The following AGTPBP1 variants were observed in gnomAD, a reference collection of about 807,000 sequenced individuals.
AGTPBP1 encodes the protein ATP/GTP binding carboxypeptidase 1, also known as cytosolic carboxypeptidase 1.
In AGTPBP1, 70 loss-of-function variants were observed where a neutral mutation model predicts 143.9. That is an observed-to-expected ratio of 0.49 (90% CI 0.40 to 0.59). The LOEUF (loss-of-function observed/expected upper bound fraction) is 0.59, where lower values mean the gene tolerates loss of function less well. Ranked by LOEUF, AGTPBP1 falls within the 20% of genes least tolerant of loss-of-function variation. AGTPBP1 has a pLI of 0.00. For synonymous variants in AGTPBP1, 463 were observed against 500.2 expected, an observed-to-expected ratio of 0.93 and a Z score of 0.99; for missense variants, 1,229 against 1,464.5, an observed-to-expected ratio of 0.84 and a Z score of 2.62.
intron 17 of AGTPBP1, among the ~76,000 whole-genome samples, chr9:85,610,568 C>T (rs780577519): frequency 1.3e-5 from 2 of 151,980 alleles, no homozygotes; most frequent in Non-Finnish European, 2.9e-5. Flanking sequence ...GGGGACACTG[C>T]CAAAGAACAA....
At chr9:85,733,809 CAG>C (rs1839041450) in intron 1 of AGTPBP1, among the ~76,000 whole-genome samples, 1 of 152,096 alleles carries the variant, frequency 6.6e-6, no homozygotes, top group Non-Finnish European at 1.5e-5. Context: ...AGGATTATAA[CAG>C]AGTACTGTGA....
the AGTPBP1 span, among the ~76,000 whole-genome samples, chr9:85,800,867 CT>C: frequency 1.3e-5 from 2 of 151,246 alleles, no homozygotes; most frequent in Non-Finnish European, 2.9e-5. Flanking sequence ...TCACAATAAC[CT>C]CATAATTCTA....
chr9:85,720,914 C>A (rs563095019), intron 1 of AGTPBP1, among the ~76,000 whole-genome samples: 9 of 151,926 alleles, frequency 5.9e-5, no homozygotes, highest in Non-Finnish European at 1.3e-4. Context: ...TGCCTTCATT[C>A]CGTTATGTAC....
At chr9:85,579,523 A>G (rs1828107403) in intron 23 of AGTPBP1, among the ~76,000 whole-genome samples, 1 of 151,900 alleles carries the variant, frequency 6.6e-6, no homozygotes, top group African/African-American at 2.4e-5. Flanking sequence ...GTTTTCTGCA[A>G]CTGAAATTAT....
intron 17 of AGTPBP1, among the ~76,000 whole-genome samples, chr9:85,618,112 C>T (rs1221220076): frequency 2.0e-5 from 3 of 151,710 alleles, no homozygotes; most frequent in Admixed American, 6.6e-5. Context: ...TGGTGGCACG[C>T]ACCTGTAGTG....
chr9:85,682,646 C>T (rs1202380041), intron 3 of AGTPBP1, among the ~76,000 whole-genome samples: 2 of 152,134 alleles, frequency 1.3e-5, no homozygotes, highest in Admixed American at 1.3e-4. Flanking sequence ...ACATATTCCA[C>T]AATGAAGTTC....
Position 85,576,365 on chromosome 9 carries a change from C to T in AGTPBP1, c.3343-890G>A, listed in dbSNP as rs191988334. ...AGACTAAGTGAGTTCCTATGGCACA[C>T]GGTAACTGAAGAAAATGAACTTTAA... On this transcript the variant is annotated intron_variant, in intron 24 of 25. Coordinates refer to ENST00000357081, the MANE Select transcript of AGTPBP1 (RefSeq NM_001330701.2). Among the ~76,000 whole-genome samples, 14 of 152,152 alleles carry T rather than the reference C, an allele frequency of 9.2e-5. No homozygotes were observed. The East Asian group carries it at 9.6e-4, about 10-fold the overall frequency.
At chr9:85,759,269 A>C in the AGTPBP1 span, among the ~76,000 whole-genome samples, 1 of 152,190 alleles carries the variant, frequency 6.6e-6, no homozygotes, top group Non-Finnish European at 1.5e-5. Flanking sequence ...CACCAAGCAG[A>C]CCTAATAGAC....
chr9:85,796,242 T>C, the AGTPBP1 span, among the ~76,000 whole-genome samples: 55 of 152,290 alleles, frequency 3.6e-4, no homozygotes, highest in African/African-American at 1.3e-3. Flanking sequence ...TAGTAGTAAG[T>C]AGTTTTGGAG....
the AGTPBP1 span, among the ~76,000 whole-genome samples, chr9:85,761,732 A>C: frequency 6.6e-6 from 1 of 152,220 alleles, no homozygotes; most frequent in African/African-American, 2.4e-5. Context: ...TTCATGTCTA[A>C]AACACCAAAA....
intron 8 of AGTPBP1, among the ~76,000 whole-genome samples, chr9:85,665,042 T>G (rs1834050851): frequency 6.6e-6 from 1 of 152,204 alleles, no homozygotes; most frequent in East Asian, 1.9e-4. Flanking sequence ...TGCTTACTGC[T>G]AAGTACATGC....
At chr9:85,685,263 A>C (rs1835421202) in intron 3 of AGTPBP1, among the ~76,000 whole-genome samples, 1 of 152,058 alleles carries the variant, frequency 6.6e-6, no homozygotes. Context: ...AGATTCAAAA[A>C]TCTCAGTGAA....
At chr9:85,613,144 A>G (rs1428606467) in intron 17 of AGTPBP1, among the ~76,000 whole-genome samples, 1 of 152,144 alleles carries the variant, frequency 6.6e-6, no homozygotes, top group Admixed American at 6.5e-5. Context: ...ACCACATTAC[A>G]TACAAGTAAT....
intron 24 of AGTPBP1, 93 bp downstream of exon 24, chr9:85,578,827 A>G: frequency 5.6e-6 from 7 of 1,258,132 alleles, no homozygotes; most frequent in Non-Finnish European, 7.7e-6. Context: ...AATAAAACAA[A>G]CATCATTTAA....
At chr9:85,556,851 A>C (rs1212625613) in intron 25 of AGTPBP1, among the ~76,000 whole-genome samples, 1 of 152,226 alleles carries the variant, frequency 6.6e-6, no homozygotes, top group African/African-American at 2.4e-5. Context: ...ACACATTCGC[A>C]GTGATAGGGG....
chr9:85,672,598 G>A lies in AGTPBP1; in HGVS notation c.520C>T (p.Arg174Cys), dbSNP rs762852847. 8 of 1,613,116 alleles carry A rather than the reference G, an allele frequency of 5.0e-6. No individual in the cohort carries two copies. Among genetic ancestry groups the A allele is most frequent in the East Asian group, 2.2e-5 (1 of 44,856 alleles). ...AGCTGAAGGCAAGGTAGAACCAAGCGATGATTCTGCAAATTCTGCTTGACC... is the reference window on the plus strand; with the variant it reads ...AGCTGAAGGCAAGGTAGAACCAAGCAATGATTCTGCAAATTCTGCTTGACC... ...NLVKQNLQNH[R>C]LVLPCLQLLR... Residue 174 changes from arginine to cysteine, a missense_variant, in exon 7 of 26, where the codon CGC (arginine) becomes TGC (cysteine). Physicochemically the swap from Arg to Cys is radical, Grantham distance 180. Transcript: ENST00000357081.
intron 17 of AGTPBP1, among the ~76,000 whole-genome samples, chr9:85,608,785 C>T (rs1252044901): frequency 6.6e-6 from 1 of 151,784 alleles, no homozygotes; most frequent in Non-Finnish European, 1.5e-5. Context: ...ATATTACAAA[C>T]TCTGGTCACA....
chr9:85,729,164 T>C (rs762618999), intron 1 of AGTPBP1, among the ~76,000 whole-genome samples: 15 of 152,154 alleles, frequency 9.9e-5, no homozygotes, highest in Non-Finnish European at 1.9e-4. Flanking sequence ...AAATAGTCTC[T>C]TCAACAAATG....
intron 21 of AGTPBP1, among the ~76,000 whole-genome samples, chr9:85,588,034 G>A (rs1205980005): frequency 2.0e-5 from 3 of 152,080 alleles, no homozygotes; most frequent in Admixed American, 2.0e-4. Context: ...AACAATTCAA[G>A]CATTTTATGA....
Sources: allele counts gnomAD v4.1 joint callset (sites outside exome capture counted in the v4.1 genomes callset), GRCh38; gene constraint gnomAD v4.1.1; transcripts MANE v1.5; gene names NCBI Gene and HGNC (gene_info 2026-07-23, HGNC 2026-07-21).